The following UNC79 variants were observed in gnomAD, a reference collection of about 807,000 sequenced individuals.
UNC79 encodes protein unc-79 homolog.
Under a neutral mutation model 283.1 loss-of-function variants are expected in UNC79, and 37 were observed. The ratio of observed to expected loss-of-function variants is 0.13; its 90% CI spans 0.10 to 0.17. The LOEUF (loss-of-function observed/expected upper bound fraction) is 0.17. Ranked by LOEUF, UNC79 falls within the 10% of genes least tolerant of loss-of-function variation. UNC79 has a pLI of 1.00. For missense variants in UNC79, 2,272 were observed against 3,211.1 expected (o/e 0.71, Z 7.07); for synonymous variants, 1,107 against 1,200.2 (o/e 0.92, Z 1.61).
exon 1 of UNC79, chr14:93,333,252 G>A (rs1055458122): frequency 2.5e-6 from 1 of 401,828 alleles, no homozygotes; most frequent in African/African-American, 2.1e-5. Flanking sequence ...CGGGCGTCGG[G>A]TCGCTGGGAG....
Position 93,465,126 on chromosome 14 carries a change from T to C in UNC79, c.23-2545T>C, listed in dbSNP as rs963241650. On this transcript the variant is annotated intron_variant, in intron 1 of 48. Coordinates refer to ENST00000555664, the Ensembl canonical transcript of UNC79. The stretch of plus-strand genomic sequence containing the variant: ...TCCCACTTTCTTTCTTCCTTTTTTT[T>C]CTCCATCTTCACTTATCAACAATTT... 2.0e-5 allele frequency among the ~76,000 whole-genome samples: 3 copies of C among 152,178 alleles called. No homozygotes were observed. The South Asian group carries it at 6.2e-4, about 32-fold the overall frequency.
chr14:93,593,172 A>C (rs917052666), intron 22 of UNC79, among the ~76,000 whole-genome samples: 1 of 152,194 alleles, frequency 6.6e-6, no homozygotes, highest in Non-Finnish European at 1.5e-5. Flanking sequence ...TTCTTTGATC[A>C]GCCTGTTTGT....
chr14:93,591,828 T>C (rs567341313), intron 22 of UNC79, among the ~76,000 whole-genome samples: 1 of 152,324 alleles, frequency 6.6e-6, no homozygotes, highest in South Asian at 2.1e-4. Flanking sequence ...GAGGGATCAC[T>C]TTTTACTGTG....
intron 14 of UNC79, among the ~76,000 whole-genome samples, chr14:93,570,391 T>C (rs1234747609): frequency 6.6e-6 from 1 of 152,218 alleles, no homozygotes; most frequent in Non-Finnish European, 1.5e-5. Context: ...TAGAGCTGTG[T>C]GCCTTTGGAA....
rs1390322234 is a variant in UNC79, at chr14:93,617,794, C to T, written c.4225-398C>T. 6.6e-6 allele frequency among the ~76,000 whole-genome samples: 1 copy of T among 152,048 alleles called. No homozygotes were observed. The highest frequency in any genetic ancestry group is 1.5e-5 in the Non-Finnish European group (1 of 68,010). On this transcript the variant is annotated intron_variant, in intron 28 of 48. Transcript: ENST00000555664. The surrounding 1 kb of genome is among the most constrained non-coding windows in gnomAD (Gnocchi z 4.5). ...TGGTGGCTCACTGCTGTAATCCCAG[C>T]ACTTATGGGAGGCCGAGGTGGGTAG...
chr14:93,546,041 C>G (rs539862878), intron 14 of UNC79, among the ~76,000 whole-genome samples: 37 of 152,132 alleles, frequency 2.4e-4, no homozygotes, highest in Admixed American at 1.1e-3. Context: ...CCAGGTGGAG[C>G]CATGGGTGTC....
intron 27 of UNC79, among the ~76,000 whole-genome samples, chr14:93,613,693 C>T (rs553137264): frequency 3.3e-5 from 5 of 152,264 alleles, no homozygotes; most frequent in East Asian, 3.9e-4. Flanking sequence ...GGATTACAGG[C>T]GTGAGCCACT....
At chr14:93,613,525 C>T (rs1240068996) in intron 27 of UNC79, among the ~76,000 whole-genome samples, 1 of 152,022 alleles carries the variant, frequency 6.6e-6, no homozygotes, top group Non-Finnish European at 1.5e-5. Flanking sequence ...CGCCATTCTC[C>T]TGCCTCAGCC....
chr14:93,333,479 C>G (rs770416348), exon 1 of UNC79: 1 of 398,622 alleles, frequency 2.5e-6, no homozygotes. Context: ...GCTGACAGTC[C>G]TGGCATTCCG....
At chr14:93,539,126 C>A (rs1404887256) in intron 12 of UNC79, among the ~76,000 whole-genome samples, 1 of 149,632 alleles carries the variant, frequency 6.7e-6, no homozygotes, top group East Asian at 2.1e-4. Context: ...TGGTCTTGAA[C>A]TCCTGACCTC....
intron 7 of UNC79, among the ~76,000 whole-genome samples, chr14:93,514,171 T>C (rs2059953746): frequency 6.6e-6 from 1 of 151,906 alleles, no homozygotes; most frequent in Non-Finnish European, 1.5e-5. Context: ...TTTTAAAAAA[T>C]CAATAAGCTT....
Position 93,540,835 on chromosome 14 carries a change from A to G in UNC79, c.1524+4A>G. 6.2e-7 allele frequency: 1 copy of G among 1,611,552 alleles called. No individual in the cohort carries two copies. Among genetic ancestry groups the G allele is most frequent in the Non-Finnish European group, 8.5e-7 (1 of 1,179,812 alleles). On this transcript the variant is annotated splice_donor_region_variant and intron_variant, in intron 13 of 48. Coordinates refer to ENST00000555664, the Ensembl canonical transcript of UNC79. ...TCAATTCGGAATATGGTTCTTAGTA[A>G]GAAAAAGAAGTTAACTATTCTCCAC...
chr14:93,435,278 C>T (rs1238112911), intron 1 of UNC79, among the ~76,000 whole-genome samples: 1 of 152,162 alleles, frequency 6.6e-6, no homozygotes, highest in Non-Finnish European at 1.5e-5. Flanking sequence ...TAGCTTTTAG[C>T]TCTCGTCTTA....
chr14:93,385,759 A>C (rs1476300147), intron 1 of UNC79, among the ~76,000 whole-genome samples: 5 of 150,320 alleles, frequency 3.3e-5, no homozygotes, highest in Non-Finnish European at 7.4e-5. Flanking sequence ...AGCCTGGGTG[A>C]TGGAGCAAGA....
chr14:93,486,210 T>C (rs2058421223), intron 4 of UNC79, among the ~76,000 whole-genome samples: 1 of 152,208 alleles, frequency 6.6e-6, no homozygotes, highest in Admixed American at 6.5e-5. Flanking sequence ...CTGTTCATGC[T>C]TGACACTCTG....
At chr14:93,362,675 G>T (rs2054250647) in intron 1 of UNC79, among the ~76,000 whole-genome samples, 1 of 152,104 alleles carries the variant, frequency 6.6e-6, no homozygotes, top group Non-Finnish European at 1.5e-5. Context: ...CTTGTTTTTG[G>T]TTTGTTCAGG....
rs764833523 is a variant in UNC79 at position 93,659,275 on chromosome 14, A to C, written c.6525+14A>C. ...AATGCTACAAGGGTATGTATGTTTC[A>C]GAAAAACATAACCAATTGGTTAGTC... On this transcript the variant is annotated intron_variant, in intron 39 of 48. Coordinates refer to ENST00000555664, the Ensembl canonical transcript of UNC79. The C allele has an allele frequency of 6.3e-7, 1 of 1,594,658 alleles. No individual in the cohort carries two copies. The highest frequency in any genetic ancestry group is 2.2e-5 in the East Asian group (1 of 44,580).
chr14:93,561,685 A>C (rs1160353509), intron 14 of UNC79, among the ~76,000 whole-genome samples: 2 of 152,166 alleles, frequency 1.3e-5, no homozygotes, highest in Admixed American at 1.3e-4. Flanking sequence ...AAAATAAAGA[A>C]TAGAACTTCA....
chr14:93,370,452 C>G (rs940591520), intron 1 of UNC79, among the ~76,000 whole-genome samples: 6 of 152,198 alleles, frequency 3.9e-5, no homozygotes, highest in African/African-American at 1.2e-4. Flanking sequence ...CTAGACACAG[C>G]TGAAGAAAGA....
Sources: allele counts gnomAD v4.1 joint callset (sites outside exome capture counted in the v4.1 genomes callset), GRCh38; gene constraint gnomAD v4.1.1; non-coding constraint Gnocchi (gnomAD v3.1); transcripts MANE v1.5; gene names NCBI Gene and HGNC (gene_info 2026-07-23, HGNC 2026-07-21).